The following ZSWIM5 variants were observed in gnomAD, a reference collection of about 807,000 sequenced individuals.
The protein encoded by ZSWIM5 is zinc finger SWIM domain-containing protein 5.
Under a neutral mutation model 119.6 loss-of-function variants are expected in ZSWIM5, and 55 were observed. The ratio of observed to expected loss-of-function variants is 0.46; its 90% CI spans 0.37 to 0.58. The LOEUF (loss-of-function observed/expected upper bound fraction) is 0.58. Among genes scored for constraint, ZSWIM5 ranks in the 20% least tolerant of loss-of-function variants. The pLI is 0.00. For synonymous variants in ZSWIM5, 537 were observed against 606.9 expected, an observed-to-expected ratio of 0.88 and a Z score of 1.69; for missense variants, 1,193 against 1,512.8, an observed-to-expected ratio of 0.79 and a Z score of 3.51.
In ZSWIM5 at chr1:45,036,159, G is replaced by C. The variant is rs1466028370; in HGVS notation, c.2035C>G (p.Leu679Val). 1.2e-6 allele frequency: 2 copies of C among 1,613,956 alleles called. No homozygotes were observed. The highest frequency in any genetic ancestry group is 2.7e-5 in the African/African-American group (2 of 74,886). ...LGQQRLMPEG[L>V]YAQDKVCRNE... ...CGGCATACCTTGTCCTGTGCGTAGA[G>C]GCCTTCAGGCATTAACCTCTGTTGA... is the stretch of plus-strand genomic sequence containing the variant. The change falls in exon 9 of 14, where the codon CTC becomes GTC. Residue 679 changes from leucine to valine, a missense_variant. By Grantham distance (32) the Leu-to-Val change is conservative (BLOSUM62 1). Coordinates refer to ENST00000359600, the MANE Select transcript of ZSWIM5 (RefSeq NM_020883.2).
intron 7 of ZSWIM5, among the ~76,000 whole-genome samples, chr1:45,039,450 A>T (rs1271211882): frequency 2.0e-5 from 3 of 152,178 alleles, no homozygotes; most frequent in Non-Finnish European, 1.5e-5. Context: ...CAGTGGCGTG[A>T]TCTTGGCTCA....
chr1:45,204,083 TATTTC>T (rs1646172853), intron 1 of ZSWIM5, among the ~76,000 whole-genome samples: 1 of 152,134 alleles, frequency 6.6e-6, no homozygotes, highest in African/African-American at 2.4e-5. Flanking sequence ...CAAAATATCC[TATTTC>T]ATTTGGAAAG....
chr1:45,163,362 A>G (rs1461286477), intron 1 of ZSWIM5, among the ~76,000 whole-genome samples: 1 of 152,204 alleles, frequency 6.6e-6, no homozygotes, highest in Non-Finnish European at 1.5e-5. Context: ...AACCACAAAG[A>G]TGGGCAGAAA....
intron 1 of ZSWIM5, among the ~76,000 whole-genome samples, chr1:45,203,312 T>C (rs1284364312): frequency 6.6e-6 from 1 of 152,054 alleles, no homozygotes; most frequent in Non-Finnish European, 1.5e-5. Context: ...CAAGTTTTTG[T>C]TTGTTTTTAA....
chr1:45,084,524 G>A (rs1645313356), intron 2 of ZSWIM5, among the ~76,000 whole-genome samples: 1 of 152,152 alleles, frequency 6.6e-6, no homozygotes, highest in African/African-American at 2.4e-5. Flanking sequence ...GACAAGGCAA[G>A]TCTCTTCCAC....
At chr1:45,164,636 C>A (rs904452582) in intron 1 of ZSWIM5, among the ~76,000 whole-genome samples, 20 of 151,968 alleles carry the variant, frequency 1.3e-4, no homozygotes, top group Non-Finnish European at 2.8e-4. Flanking sequence ...ATCTACCAAG[C>A]AAATGGAAAA....
chr1:45,048,649 C>T (rs1645071414), intron 5 of ZSWIM5, among the ~76,000 whole-genome samples: 1 of 152,004 alleles, frequency 6.6e-6, no homozygotes, highest in Admixed American at 6.6e-5. Flanking sequence ...ACTGGTGATG[C>T]ATGAAATTGA....
chr1:45,205,595 T>C (rs1219301031), intron 1 of ZSWIM5, among the ~76,000 whole-genome samples, 161 bp downstream of exon 1: 2 of 152,134 alleles, frequency 1.3e-5, no homozygotes, highest in African/African-American at 2.4e-5. Flanking sequence ...GTGGTGGACC[T>C]GAGTGAAAGG....
At chr1:45,039,168 C>A (rs1645003845) in intron 7 of ZSWIM5, 95 bp from the exon 8 acceptor site, 1 of 1,437,818 alleles carries the variant, frequency 7.0e-7, no homozygotes, top group Non-Finnish European at 9.5e-7. Context: ...CAGCCTTGAC[C>A]CTGAGAGTCA....
At chr1:45,090,565 A>C (rs2149012646) in intron 1 of ZSWIM5, among the ~76,000 whole-genome samples, 1 of 152,282 alleles carries the variant, frequency 6.6e-6, no homozygotes, top group Non-Finnish European at 1.5e-5. Flanking sequence ...AGCCTCAGCA[A>C]CATAGCAAAA....
chr1:45,183,232 G>A (rs554994257), intron 1 of ZSWIM5, among the ~76,000 whole-genome samples: 74 of 150,472 alleles, frequency 4.9e-4, no homozygotes, highest in Admixed American at 1.5e-3. Context: ...CAGAATCTCT[G>A]GGACACATTC....
intron 4 of ZSWIM5, among the ~76,000 whole-genome samples, chr1:45,054,094 A>G (rs1645106450): frequency 1.3e-5 from 2 of 152,046 alleles, no homozygotes; most frequent in African/African-American, 4.8e-5. Context: ...AGCCTGGGCA[A>G]CATAGTGAGA....
At chr1:45,153,093 TAAAAAAAAAAAAA>T (rs76324771) in intron 1 of ZSWIM5, among the ~76,000 whole-genome samples, 13 of 105,868 alleles carry the variant, frequency 1.2e-4, no homozygotes, top group African/African-American at 4.1e-4. Context: ...ATTAAAAAGT[TAAAAAAAAAAAAA>T]AAAAGAAAAA....
intron 1 of ZSWIM5, among the ~76,000 whole-genome samples, chr1:45,182,201 G>A (rs1053775931): frequency 2.0e-5 from 3 of 152,110 alleles, no homozygotes; most frequent in African/African-American, 7.2e-5. Context: ...CGGATCACGA[G>A]GTCAGGAGAT....
chr1:45,089,861 C>T (rs1477350459), intron 1 of ZSWIM5, among the ~76,000 whole-genome samples: 1 of 152,090 alleles, frequency 6.6e-6, no homozygotes, highest in Non-Finnish European at 1.5e-5. Flanking sequence ...GTAGTCCCAG[C>T]TACACATATA....
At chr1:45,074,843 G>C (rs1017640338) in intron 2 of ZSWIM5, among the ~76,000 whole-genome samples, 1 of 151,640 alleles carries the variant, frequency 6.6e-6, no homozygotes, top group East Asian at 1.9e-4. Flanking sequence ...TTTTGATGTA[G>C]GTACTTATAG....
intron 1 of ZSWIM5, among the ~76,000 whole-genome samples, chr1:45,102,576 C>G (rs1304311183): frequency 6.6e-6 from 1 of 152,126 alleles, no homozygotes; most frequent in African/African-American, 2.4e-5. Context: ...TCTTTTTCAT[C>G]TCTATATTTT....
At position 45,043,563 on chromosome 1, in the gene ZSWIM5, G is replaced by A. The variant is rs567984657; in HGVS notation, c.1433-168C>T. Among the ~76,000 whole-genome samples the A allele has an allele frequency of 3.9e-4, 60 of 152,334 alleles. No individual in the cohort carries two copies. In the South Asian group the frequency reaches 0.011, roughly 29 times the overall value. On this transcript the variant is annotated intron_variant, in intron 5 of 13. Coordinates refer to ENST00000359600, the MANE Select transcript of ZSWIM5 (RefSeq NM_020883.2). The stretch of plus-strand genomic sequence containing the variant: ...GGAAGGGCAATGAGAGCAGCCACTT[G>A]CAATCTCTCTGAGTATCTGTTGTGT...
Position 45,206,548 on chromosome 1 carries a change from G to A in ZSWIM5, c.-198C>T, listed in dbSNP as rs1382271892. 2 of 1,010,366 alleles carry A rather than the reference G, an allele frequency of 2.0e-6. No individual in the cohort carries two copies. The highest frequency in any genetic ancestry group is 3.5e-5 in the African/African-American group (2 of 57,656). The allele number at this position is 1,010,366 out of a possible 1,614,324, so 62.6% of individuals were successfully genotyped here. On this transcript the variant is annotated 5_prime_UTR_variant, in exon 1 of 14. Transcript: ENST00000359600. ...GCGCGCCGCGAGGGCAGACGCGGGC[G>A]GCCTGCAGGGTAGCGTGAGGCGGCG...
Sources: allele counts gnomAD v4.1 joint callset (sites outside exome capture counted in the v4.1 genomes callset), GRCh38; gene constraint gnomAD v4.1.1; transcripts MANE v1.5; gene names NCBI Gene and HGNC (gene_info 2026-07-23, HGNC 2026-07-21).